The following DPY19L1 variants were observed in gnomAD, a reference collection of about 807,000 sequenced individuals.
DPY19L1 encodes the protein protein C-mannosyl-transferase DPY19L1.
In DPY19L1, 35 loss-of-function variants were observed where a neutral mutation model predicts 96.9. The ratio of observed to expected loss-of-function variants is 0.36; its 90% CI spans 0.28 to 0.48. The LOEUF is 0.48. Among genes scored for constraint, DPY19L1 ranks in the 20% least tolerant of loss-of-function variants. The probability of loss-of-function intolerance (pLI) is 0.99; values close to 1 mark genes in which losing one functional copy is unlikely to be tolerated. For synonymous variants in DPY19L1, 205 were observed against 252.6 expected (o/e 0.81, Z 1.79); for missense variants, 521 against 777.9 (o/e 0.67, Z 3.93).
Position 34,931,033 on chromosome 7 carries a change from C to G in DPY19L1, c.*540G>C, listed in dbSNP as rs897303486. ...AAGAGAACAGAGAACAAAAAGCGCA[C>G]AAGGAAGTAAAACAAACAGATAGTT... On this transcript the variant is annotated 3_prime_UTR_variant, in exon 22 of 22. Transcript: ENST00000638088. 1.3e-5 allele frequency: 2 copies of G among 152,072 alleles called. No homozygotes were observed. Among genetic ancestry groups the G allele is most frequent in the African/African-American group, 4.8e-5 (2 of 41,394 alleles). 9.4% of individuals were successfully genotyped at this position (152,072 alleles called of 1,614,324 possible).
chr7:34,982,278 G>A (rs1435491361), intron 7 of DPY19L1, among the ~76,000 whole-genome samples: 2 of 152,150 alleles, frequency 1.3e-5, no homozygotes, highest in South Asian at 2.1e-4. Flanking sequence ...TATGATAACA[G>A]TATTGTGATT....
intron 19 of DPY19L1, among the ~76,000 whole-genome samples, 190 bp downstream of exon 19, chr7:34,939,963 T>C (rs775473362): frequency 4.5e-4 from 68 of 152,166 alleles, no homozygotes; most frequent in Non-Finnish European, 5.3e-4. Flanking sequence ...AACATATGTA[T>C]AACATTTCCC....
At chr7:35,035,499 C>A (rs1786370589) in intron 1 of DPY19L1, among the ~76,000 whole-genome samples, 1 of 152,178 alleles carries the variant, frequency 6.6e-6, no homozygotes, top group Admixed American at 6.5e-5. Context: ...CCTGAAGAAG[C>A]AATGCCATTC....
At chr7:35,003,068 C>T (rs1347715016) in intron 6 of DPY19L1, among the ~76,000 whole-genome samples, 1 of 152,154 alleles carries the variant, frequency 6.6e-6, no homozygotes, top group African/African-American at 2.4e-5. Context: ...CCGTGCCCGG[C>T]CAGCAACCAA....
intron 9 of DPY19L1, among the ~76,000 whole-genome samples, 192 bp downstream of exon 9, chr7:34,969,241 C>T (rs1202205951): frequency 6.6e-6 from 1 of 152,002 alleles, no homozygotes; most frequent in Non-Finnish European, 1.5e-5. Flanking sequence ...AATAATCCAA[C>T]ATATTTCTCT....
chr7:34,932,037 G>A (rs1375816305), intron 21 of DPY19L1, among the ~76,000 whole-genome samples: 1 of 152,166 alleles, frequency 6.6e-6, no homozygotes, highest in East Asian at 1.9e-4. Flanking sequence ...GTGGTTCTGG[G>A]CAGGTAGCTT....
At position 34,939,059 on chromosome 7, in the gene DPY19L1, GAA is replaced by G. The variant is rs369303714; in HGVS notation, c.1964+215_1964+216del. On this transcript the variant is annotated intron_variant, in intron 20 of 21. Transcript: ENST00000638088. ...TGACTTCGTTTATATGCCTGGTAGA[GAA>G]GAGAGCCCCCAAAGTTGTCACTTTC... 1,240 of 445,380 alleles carry G rather than the reference GAA, an allele frequency of 2.8e-3. 15 individuals are homozygous for G. Among genetic ancestry groups the G allele is most frequent in the African/African-American group, 0.023 (1,123 of 49,860 alleles). 27.6% of individuals were successfully genotyped at this position (445,380 alleles called of 1,614,324 possible). A position where few individuals can be genotyped will look rare whatever the true frequency, so the allele number is the denominator to read the frequency against.
intron 1 of DPY19L1, among the ~76,000 whole-genome samples, chr7:35,023,527 C>T (rs1786044414): frequency 6.6e-6 from 1 of 152,182 alleles, no homozygotes; most frequent in African/African-American, 2.4e-5. Context: ...TTTCCTCTTA[C>T]ACATGCACTT....
chr7:35,010,590 A>G lies in DPY19L1; in HGVS notation c.671-29T>C. The stretch of plus-strand genomic sequence containing the variant: ...TAAAAATAAACAAAACATATGTTCT[A>G]ATCACATTAACCCAAATTACCTTAC... On this transcript the variant is annotated intron_variant, in intron 5 of 21. Transcript: ENST00000638088. 7 of 1,454,748 alleles carry G rather than the reference A, an allele frequency of 4.8e-6. No homozygotes were observed. In the South Asian group the frequency reaches 5.9e-5, roughly 12 times the overall value. 90.1% of individuals were successfully genotyped at this position (1,454,748 alleles called of 1,614,324 possible).
intron 10 of DPY19L1, among the ~76,000 whole-genome samples, chr7:34,959,918 TATATATTTATATATATA>T (rs1784462358): frequency 6.1e-5 from 1 of 16,520 alleles, no homozygotes; most frequent in Non-Finnish European, 1.4e-4. Context: ...TATATATATA[TATATATTTATATATATA>T]TATATATATA....
intron 6 of DPY19L1, among the ~76,000 whole-genome samples, chr7:34,994,977 G>C (rs1299839391): frequency 1.3e-5 from 2 of 151,992 alleles, no homozygotes; most frequent in African/African-American, 4.8e-5. Context: ...TAAAATACAG[G>C]TTATGGTCCA....
intron 10 of DPY19L1, among the ~76,000 whole-genome samples, chr7:34,964,202 T>C (rs1221363770): frequency 6.6e-6 from 1 of 152,058 alleles, no homozygotes; most frequent in Admixed American, 6.5e-5. Context: ...AAAACGATAA[T>C]GGAAGAAGAT....
At chr7:35,009,770 T>A (rs1211091142) in intron 6 of DPY19L1, among the ~76,000 whole-genome samples, 5 of 152,204 alleles carry the variant, frequency 3.3e-5, no homozygotes, top group African/African-American at 1.2e-4. Flanking sequence ...GTCTACAGAC[T>A]TTTTTTACAC....
chr7:34,935,405 T>C (rs997496591), intron 21 of DPY19L1, among the ~76,000 whole-genome samples: 19 of 152,176 alleles, frequency 1.2e-4, no homozygotes, highest in African/African-American at 3.4e-4. Flanking sequence ...AACTCTATTA[T>C]TGGAGTAAAA....
chr7:35,036,250 G>A (rs1375651673), intron 1 of DPY19L1, among the ~76,000 whole-genome samples: 1 of 152,124 alleles, frequency 6.6e-6, no homozygotes, highest in Non-Finnish European at 1.5e-5. Context: ...GTAGCGAAAA[G>A]CCCACTGAGG....
At chr7:35,012,178 A>G (rs1785728148) in intron 4 of DPY19L1, among the ~76,000 whole-genome samples, 1 of 152,216 alleles carries the variant, frequency 6.6e-6, no homozygotes, top group African/African-American at 2.4e-5. Flanking sequence ...CCGACTAGTC[A>G]ATAGGGAAAG....
At chr7:35,028,091 T>G (rs572353110) in intron 1 of DPY19L1, among the ~76,000 whole-genome samples, 7 of 152,328 alleles carry the variant, frequency 4.6e-5, no homozygotes, top group African/African-American at 1.4e-4. Flanking sequence ...CTTTCACATA[T>G]TAAGCAAAAA....
intron 6 of DPY19L1, among the ~76,000 whole-genome samples, chr7:34,997,949 T>C (rs1410353281): frequency 2.0e-5 from 3 of 152,158 alleles, no homozygotes; most frequent in Non-Finnish European, 2.9e-5. Flanking sequence ...ACTGTGTTAA[T>C]GATGACTATT....
intron 21 of DPY19L1, among the ~76,000 whole-genome samples, chr7:34,937,059 G>A (rs201514196): frequency 1.4e-3 from 191 of 141,074 alleles, no homozygotes; most frequent in South Asian, 2.4e-3. Flanking sequence ...GAATGTTTTG[G>A]TACTTTAAAA....
Sources: gnomAD v4.1 joint callset for allele counts (sites outside exome capture counted in the v4.1 genomes callset) on GRCh38, gnomAD v4.1.1 for gene constraint, MANE v1.5 for transcripts, NCBI Gene and HGNC (gene_info 2026-07-23, HGNC 2026-07-21) for gene names.